Variants in SPOCK1 observed in about 807,000 individuals in gnomAD.
SPOCK1 encodes SPARC (osteonectin), cwcv and kazal like domains proteoglycan 1.
SPOCK1 carries 23 observed loss-of-function variants against 55.3 expected under a neutral mutation model. That is an observed-to-expected ratio of 0.42 (90% CI 0.30 to 0.59). The LOEUF is 0.59. SPOCK1 is among the 20% of genes least tolerant of loss of function. The pLI is 0.22. For missense variants in SPOCK1, 499 were observed against 552.5 expected (o/e 0.90, Z 0.97); for synonymous variants, 226 against 221.0 (o/e 1.02, Z -0.20).
intron 2 of SPOCK1, among the ~76,000 whole-genome samples, chr5:137,344,880 G>C (rs1208041956): frequency 6.6e-6 from 1 of 152,188 alleles, no homozygotes. Context: ...AGTGTTTCCT[G>C]TATTTCCAAA....
intron 4 of SPOCK1, among the ~76,000 whole-genome samples, chr5:137,123,380 T>C (rs974571583): frequency 2.6e-5 from 4 of 152,146 alleles, no homozygotes; most frequent in African/African-American, 7.2e-5. Flanking sequence ...AGCAGCCCTC[T>C]CTGAGAAGGT....
chr5:137,413,234 T>A (rs979883451), intron 2 of SPOCK1, among the ~76,000 whole-genome samples: 1 of 151,962 alleles, frequency 6.6e-6, no homozygotes, highest in Admixed American at 6.6e-5. Flanking sequence ...CTATTTTGGG[T>A]TTTTTTTCCC....
intron 6 of SPOCK1, among the ~76,000 whole-genome samples, chr5:136,995,254 T>A (rs568931470): frequency 4.1e-4 from 62 of 152,286 alleles, no homozygotes; most frequent in Non-Finnish European, 7.2e-4. Context: ...CTGTTTAAGA[T>A]GAGCTGAGAA....
chr5:137,195,244 G>A (rs922895558), intron 3 of SPOCK1, among the ~76,000 whole-genome samples: 3 of 152,022 alleles, frequency 2.0e-5, no homozygotes, highest in African/African-American at 4.8e-5. Flanking sequence ...CCCTCTACTC[G>A]CTTCCACTTT....
chr5:137,361,149 C>A (rs568960232), intron 2 of SPOCK1, among the ~76,000 whole-genome samples: 1 of 152,284 alleles, frequency 6.6e-6, no homozygotes, highest in South Asian at 2.1e-4. Context: ...TAGCCATCTG[C>A]AAGTCAGCAA....
chr5:136,979,589 G>C, intron 9 of SPOCK1, 120 bp from the exon 10 acceptor site: 1 of 1,310,070 alleles, frequency 7.6e-7, no homozygotes, highest in Non-Finnish European at 1.0e-6. Flanking sequence ...GTCAGCAGCA[G>C]AGGATGGGGA....
intron 2 of SPOCK1, among the ~76,000 whole-genome samples, chr5:137,344,330 G>A (rs1247273496): frequency 2.6e-5 from 4 of 152,322 alleles, no homozygotes; most frequent in South Asian, 2.1e-4. Context: ...AAGCCAGAAC[G>A]TTTTATTCTA....
intron 2 of SPOCK1, among the ~76,000 whole-genome samples, chr5:137,429,055 A>C (rs373980528): frequency 6.6e-6 from 1 of 152,224 alleles, no homozygotes; most frequent in East Asian, 1.9e-4. Context: ...CTTTGGATAA[A>C]TACCAAAATT....
rs532162025 is a variant in SPOCK1, at chr5:137,398,405, G to A, written c.186+99968C>T. On this transcript the variant is annotated intron_variant, in intron 2 of 10. Transcript: ENST00000394945. Reference sequence around the variant, plus strand: ...TCAGCTTCCCCAGGAAAAGCAGAATGTAATGTGATTGTATCTGGCATTAAG... The same window carrying A: ...TCAGCTTCCCCAGGAAAAGCAGAATATAATGTGATTGTATCTGGCATTAAG... Among the ~76,000 whole-genome samples, 6 of 152,320 alleles carry A rather than the reference G, an allele frequency of 3.9e-5. No homozygotes were observed. The South Asian group carries it at 8.3e-4, about 21-fold the overall frequency.
intron 5 of SPOCK1, among the ~76,000 whole-genome samples, chr5:137,097,600 C>T (rs1273392890): frequency 2.0e-5 from 3 of 152,148 alleles, no homozygotes; most frequent in Non-Finnish European, 4.4e-5. Flanking sequence ...AGGAGAACAA[C>T]TGAGTGTGCA....
intron 2 of SPOCK1, among the ~76,000 whole-genome samples, chr5:137,318,580 A>G (rs1757925319): frequency 1.3e-5 from 2 of 152,226 alleles, no homozygotes; most frequent in South Asian, 4.1e-4. Context: ...ATGGTGAGCC[A>G]GATAATTGTT....
chr5:137,296,685 T>C (rs545336488), intron 2 of SPOCK1, among the ~76,000 whole-genome samples: 1 of 152,318 alleles, frequency 6.6e-6, no homozygotes, highest in Admixed American at 6.5e-5. Flanking sequence ...AGGGCTTTCC[T>C]CTGGAAGGAC....
At chr5:137,401,288 G>A (rs531084895) in intron 2 of SPOCK1, among the ~76,000 whole-genome samples, 1 of 152,138 alleles carries the variant, frequency 6.6e-6, no homozygotes, top group South Asian at 2.1e-4. Context: ...GGGGGCAGGG[G>A]GAAACTTAGC....
chr5:137,177,655 T>G (rs1231444785), intron 3 of SPOCK1, among the ~76,000 whole-genome samples: 1 of 152,038 alleles, frequency 6.6e-6, no homozygotes, highest in African/African-American at 2.4e-5. Context: ...CCCTTTAACA[T>G]TAACGCACAT....
intron 4 of SPOCK1, among the ~76,000 whole-genome samples, chr5:137,122,989 G>A (rs1753715983): frequency 6.6e-6 from 1 of 152,194 alleles, no homozygotes. Flanking sequence ...TGAAGCAGAA[G>A]TGGCTTCAGG....
At chr5:137,435,818 C>A (rs1005880235) in intron 2 of SPOCK1, among the ~76,000 whole-genome samples, 7 of 151,118 alleles carry the variant, frequency 4.6e-5, no homozygotes, top group Admixed American at 2.0e-4. Context: ...TTTTTACCAG[C>A]ATCTTAATTT....
At chr5:137,465,248 T>C (rs758394341) in intron 2 of SPOCK1, among the ~76,000 whole-genome samples, 8 of 152,104 alleles carry the variant, frequency 5.3e-5, no homozygotes, top group African/African-American at 1.2e-4. Context: ...CAAACACACT[T>C]ACCAAATCAA....
intron 2 of SPOCK1, among the ~76,000 whole-genome samples, chr5:137,460,151 AT>A (rs1561541555): frequency 6.6e-6 from 1 of 152,210 alleles, no homozygotes; most frequent in Non-Finnish European, 1.5e-5. Context: ...GAGCAGGTAC[AT>A]TTAAGGAAAA....
At chr5:137,361,446 A>C in intron 2 of SPOCK1, among the ~76,000 whole-genome samples, 1 of 152,196 alleles carries the variant, frequency 6.6e-6, no homozygotes, top group East Asian at 1.9e-4. Context: ...CTGTTGAGTG[A>C]GTGGATGCAT....
Sources: allele counts gnomAD v4.1 joint callset (sites outside exome capture counted in the v4.1 genomes callset), GRCh38; gene constraint gnomAD v4.1.1; transcripts MANE v1.5; gene names NCBI Gene and HGNC (gene_info 2026-07-23, HGNC 2026-07-21).